Variants in MMACHC observed in about 807,000 individuals in gnomAD.
The protein encoded by MMACHC is metabolism of cobalamin associated C.
A neutral mutation model predicts 17.6 loss-of-function variants in MMACHC; 14 were observed. The ratio of observed to expected loss-of-function variants is 0.80; its 90% CI spans 0.53 to 1.25. MMACHC has a LOEUF of 1.25. Among genes scored for constraint, MMACHC ranks in the 50% most tolerant of loss-of-function variants. The pLI, the probability that MMACHC is intolerant of heterozygous loss-of-function variation, is 0.00. For synonymous variants in MMACHC, 151 were observed against 142.1 expected (o/e 1.06, Z -0.45); for missense variants, 392 against 364.5 (o/e 1.08, Z -0.62).
intron 1 of MMACHC, 130 bp from the exon 2 acceptor site, chr1:45,507,226 C>T (rs980667200): frequency 2.2e-5 from 17 of 770,830 alleles, no homozygotes; most frequent in Middle Eastern, 7.2e-4. Context: ...CATCACATAG[C>T]GTCAGTGAAA....
chr1:45,505,082 C>T (rs1643601354), intron 1 of MMACHC, among the ~76,000 whole-genome samples: 2 of 146,664 alleles, frequency 1.4e-5, no homozygotes, highest in African/African-American at 5.0e-5. Flanking sequence ...TGCCACTGTA[C>T]CCTAGCCCCT....
chr1:45,505,901 CA>C (rs35613117), intron 1 of MMACHC, among the ~76,000 whole-genome samples: 92,217 of 127,686 alleles, frequency 0.72, 31,224 homozygotes, highest in East Asian at 0.9. Context: ...GACTCCGTCT[CA>C]AAAAAAAAAA....
At chr1:45,507,576 G>T in intron 2 of MMACHC, 26 bp downstream of exon 2, 1 of 1,613,164 alleles carries the variant, frequency 6.2e-7, no homozygotes, top group Non-Finnish European at 8.5e-7. Flanking sequence ...TTTTCCCCCA[G>T]CTCCCAAACC....
rs1474128521 is a variant in MMACHC, at chr1:45,512,110, C to T, written c.*2895C>T. 11 of 117,088 alleles carry T rather than the reference C, an allele frequency of 9.4e-5. No homozygotes were observed. The highest frequency in any genetic ancestry group is 1.6e-4 in the Non-Finnish European group (10 of 61,514). 7.3% of individuals were successfully genotyped at this position (117,088 alleles called of 1,614,324 possible). ...TTTTTTTTTTTTGAGATGGAGTCTC[C>T]CTCTGTTGCCCAGGCTGGAGTACGG... On this transcript the variant is annotated 3_prime_UTR_variant, in exon 4 of 4. Coordinates refer to ENST00000401061, the MANE Select transcript of MMACHC (RefSeq NM_015506.3).
intron 1 of MMACHC, among the ~76,000 whole-genome samples, chr1:45,501,726 G>A (rs1447102151): frequency 6.6e-6 from 1 of 152,112 alleles, no homozygotes; most frequent in East Asian, 1.9e-4. Flanking sequence ...AGGTGTGTGG[G>A]AGAGTGAGAA....
chr1:45,509,109 C>G lies in MMACHC; in HGVS notation c.743C>G (p.Pro248Arg), dbSNP rs564280688. The change falls in exon 4 of 4, where the codon CCG (proline) becomes CGG (arginine). Residue 248 changes from proline (P) to arginine (R), a missense_variant. Coordinates refer to ENST00000401061, the MANE Select transcript of MMACHC (RefSeq NM_015506.3). ...TCAGAGAAGCCTAGTTCTCCCTCCC[C>G]GGACCTTCCCTTTACCACACCCGCC... ...QPSEKPSSPS[P>R]DLPFTTPAPK... 51 of 1,612,394 alleles carry G rather than the reference C, an allele frequency of 3.2e-5. 1 individual carries two copies. In the South Asian group the frequency reaches 3.9e-4, roughly 12 times the overall value.
rs1209310883 is a variant in MMACHC, at chr1:45,511,402, C to A, written c.*2187C>A. The A allele has an allele frequency of 6.2e-7, 1 of 1,613,102 alleles. No individual in the cohort carries two copies. Among genetic ancestry groups the A allele is most frequent in the Non-Finnish European group, 8.5e-7 (1 of 1,179,548 alleles). ...GATGGTATCACTGCCAGGTTTCCAG[C>A]CAGCTGGGCACACTGCAAGAGAAAG... On this transcript the variant is annotated 3_prime_UTR_variant, in exon 4 of 4. Transcript: ENST00000401061.
At position 45,509,016 on chromosome 1, in the gene MMACHC, A is replaced by T. The variant is rs199641732; in HGVS notation, c.650A>T (p.Glu217Val). Residue 217 changes from glutamate to valine, a missense_variant, in exon 4 of 4, where the codon GAA (glutamate) becomes GTA (valine). By Grantham distance (121) the Glu-to-Val change is moderately radical. Coordinates refer to ENST00000401061, the MANE Select transcript of MMACHC (RefSeq NM_015506.3). ...DAVTPQERYS[E>V]EQKAYFSTPP... ...GTGACACCCCAGGAGCGCTACTCAG[A>T]AGAGCAGAAGGCCTACTTCTCCACT... 208 of 1,614,068 alleles carry T rather than the reference A, an allele frequency of 1.3e-4. No individual in the cohort carries two copies. The highest frequency in any genetic ancestry group is 1.7e-4 in the Non-Finnish European group (196 of 1,180,040).
intron 1 of MMACHC, among the ~76,000 whole-genome samples, chr1:45,503,707 A>G (rs896973257): frequency 4.6e-5 from 7 of 152,212 alleles, no homozygotes; most frequent in African/African-American, 1.7e-4. Flanking sequence ...CTGTTACAGC[A>G]GTAAAACCAG....
rs1297489463 is a variant in MMACHC, at chr1:45,509,595, G to GTAAATTAGTAAAATTAGAAAAAT, written c.*382_*383insAATTAGTAAAATTAGAAAAATTA. ...ACCTGGCTAATTTTTTGTATTTTTA[G>GTAAATTAGTAAAATTAGAAAAAT]TAGAGATGGGGTTTCATCATATTGG... On this transcript the variant is annotated 3_prime_UTR_variant, in exon 4 of 4. Coordinates refer to ENST00000401061, the MANE Select transcript of MMACHC (RefSeq NM_015506.3). 1 of 191,500 alleles carries GTAAATTAGTAAAATTAGAAAAAT rather than the reference G, an allele frequency of 5.2e-6. No individual in the cohort carries two copies. Among genetic ancestry groups the GTAAATTAGTAAAATTAGAAAAAT allele is most frequent in the African/African-American group, 2.4e-5 (1 of 41,668 alleles). 11.9% of individuals were successfully genotyped at this position (191,500 alleles called of 1,614,324 possible).
intron 2 of MMACHC, 64 bp from the exon 3 acceptor site, chr1:45,508,148 C>T: frequency 6.3e-7 from 1 of 1,587,402 alleles, no homozygotes; most frequent in Non-Finnish European, 8.7e-7. Flanking sequence ...AACTAGGGCT[C>T]CCTCGGACAA....
rs956276956 is a variant in MMACHC at position 45,512,826 on chromosome 1, C to G, written c.*3611C>G. On this transcript the variant is annotated 3_prime_UTR_variant, in exon 4 of 4. Coordinates refer to ENST00000401061, the MANE Select transcript of MMACHC (RefSeq NM_015506.3). ...GCCATGTGTCATCTGTCCAGGCTAA[C>G]TGCCCACACATCCTTCTGCAAAGGG... 1 of 152,390 alleles carries G rather than the reference C, an allele frequency of 6.6e-6. No homozygotes were observed. The highest frequency in any genetic ancestry group is 2.1e-4 in the South Asian group (1 of 4,828). The allele number at this position is 152,390 out of a possible 1,614,324, so 9.4% of individuals were successfully genotyped here. A position where few individuals can be genotyped will look rare whatever the true frequency, so the allele number is the denominator to read the frequency against.
intron 1 of MMACHC, among the ~76,000 whole-genome samples, chr1:45,507,117 G>A (rs1643632431): frequency 6.6e-6 from 1 of 152,148 alleles, no homozygotes; most frequent in South Asian, 2.1e-4. Context: ...AGTGGGCCAA[G>A]ATCATGCCAC....
chr1:45,511,441 A>T lies in MMACHC; in HGVS notation c.*2226A>T. ...TGCAAGAGAAAGGCACCACTAATTA[A>T]TAACCTTCTCAATGGTATGCACCAC... On this transcript the variant is annotated 3_prime_UTR_variant, in exon 4 of 4. Coordinates refer to ENST00000401061, the MANE Select transcript of MMACHC (RefSeq NM_015506.3). 1 of 1,589,490 alleles carries T rather than the reference A, an allele frequency of 6.3e-7. No individual in the cohort carries two copies.
rs1643664995 is a variant in MMACHC, at chr1:45,508,257, C to T, written c.322C>T (p.His108Tyr). Residue 108 changes from histidine (H) to tyrosine (Y), a missense_variant, in exon 3 of 4, where the codon CAC (histidine) becomes TAC (tyrosine). By Grantham distance (83) the His-to-Tyr change is moderately conservative (BLOSUM62 2). Coordinates refer to ENST00000401061, the MANE Select transcript of MMACHC (RefSeq NM_015506.3). ...AGAAATCATTGCTGACTACGAGGTG[C>T]ACCCCAACCGACGCCCCAAGATCCT... ...QIEIIADYEVHPNRRPKILAQ... is the reference protein window; with the variant it reads ...QIEIIADYEVYPNRRPKILAQ... 2 of 1,613,990 alleles carry T rather than the reference C, an allele frequency of 1.2e-6. No homozygotes were observed. The highest frequency in any genetic ancestry group is 2.7e-5 in the African/African-American group (2 of 74,906).
rs375891664 is a variant in MMACHC, at chr1:45,508,306, C to T, written c.371C>T (p.Ala124Val). 3 of 1,614,096 alleles carry T rather than the reference C, an allele frequency of 1.9e-6. No homozygotes were observed. Among genetic ancestry groups the T allele is most frequent in the African/African-American group, 2.7e-5 (2 of 74,930 alleles). The change falls in exon 3 of 4, where the codon GCT becomes GTT. Residue 124 changes from alanine (A) to valine (V), a missense_variant. By Grantham distance (64) the Ala-to-Val change is moderately conservative. Coordinates refer to ENST00000401061, the MANE Select transcript of MMACHC (RefSeq NM_015506.3). ...KILAQTAAHV[A>V]GAAYYYQRQD... ...CTGGCCCAGACAGCAGCCCATGTAG[C>T]TGGGGCTGCTTACTACTACCAACGA... is the stretch of plus-strand genomic sequence containing the variant.
At position 45,510,641 on chromosome 1, in the gene MMACHC, G is replaced by A. The variant is rs1227021064; in HGVS notation, c.*1426G>A. The A allele has an allele frequency of 6.6e-6, 1 of 152,216 alleles. No individual in the cohort carries two copies. Among genetic ancestry groups the A allele is most frequent in the Non-Finnish European group, 1.5e-5 (1 of 68,064 alleles). 9.4% of individuals were successfully genotyped at this position (152,216 alleles called of 1,614,324 possible). A position where few individuals can be genotyped will look rare whatever the true frequency, so the allele number is the denominator to read the frequency against. ...CCTTGTCTTCCTCTTTCCTCTGTCA[G>A]TTCAAAAAGAACAGAAACCTCCAGC... is the stretch of plus-strand genomic sequence containing the variant. On this transcript the variant is annotated 3_prime_UTR_variant, in exon 4 of 4. Coordinates refer to ENST00000401061, the MANE Select transcript of MMACHC (RefSeq NM_015506.3).
In MMACHC at chr1:45,511,451, C is replaced by T. The variant is rs1303314821; in HGVS notation, c.*2236C>T. 1.9e-6 allele frequency: 3 copies of T among 1,546,462 alleles called. No individual in the cohort carries two copies. The highest frequency in any genetic ancestry group is 2.3e-5 in the East Asian group (1 of 44,414). ...AGGCACCACTAATTAATAACCTTCT[C>T]AATGGTATGCACCACCATTCTCCTA... is the stretch of plus-strand genomic sequence containing the variant. On this transcript the variant is annotated 3_prime_UTR_variant, in exon 4 of 4. Transcript: ENST00000401061.
chr1:45,508,847 C>T lies in MMACHC; in HGVS notation c.481C>T (p.Arg161Ter), dbSNP rs370596113. The change falls in exon 4 of 4, where the codon CGA (arginine) becomes TGA (stop). Residue 161 changes from arginine (R) to a stop codon, truncating the protein, a stop_gained. Transcript: ENST00000401061. LOFTEE classifies it low-confidence loss of function (END_TRUNC). ...CCGATTTGGGGGCTGGTTTGCCATC[C>T]GAGGGGTAGTGCTGCTGCCAGGGAT... ...HPRFGGWFAIRGVVLLPGIEV... is the reference protein window; with the variant it reads ...HPRFGGWFAI 28 of 1,614,020 alleles carry T rather than the reference C, an allele frequency of 1.7e-5. No homozygotes were observed. The African/African-American group carries it at 1.7e-4, about 10-fold the overall frequency.
Sources: gnomAD v4.1 joint callset for allele counts (sites outside exome capture counted in the v4.1 genomes callset) on GRCh38, gnomAD v4.1.1 for gene constraint, MANE v1.5 for transcripts, NCBI Gene and HGNC (gene_info 2026-07-23, HGNC 2026-07-21) for gene names.